SEC23B: variants seen among roughly 807,000 people sequenced by gnomAD.
SEC23B encodes protein transport protein Sec23B.
Under a neutral mutation model 104.3 loss-of-function variants are expected in SEC23B, and 77 were observed. That is an observed-to-expected ratio of 0.74 (90% CI 0.61 to 0.89). SEC23B has a LOEUF of 0.89. Among genes scored for constraint, SEC23B ranks in the 40% least tolerant of loss-of-function variants. SEC23B has a pLI of 0.00. For synonymous variants in SEC23B, 338 were observed against 332.5 expected (o/e 1.02, Z -0.18); for missense variants, 885 against 949.4 (o/e 0.93, Z 0.89).
At chr20:18,511,205 G>C (rs951163701) in intron 2 of SEC23B, 149 bp downstream of exon 2, 1 of 682,742 alleles carries the variant, frequency 1.5e-6, no homozygotes, top group Non-Finnish European at 2.6e-6. Context: ...CTTGTGGTGA[G>C]TAGTAAGTGG....
chr20:18,529,669 A>G (rs999832511), intron 9 of SEC23B, among the ~76,000 whole-genome samples: 1 of 152,210 alleles, frequency 6.6e-6, no homozygotes, highest in African/African-American at 2.4e-5. Flanking sequence ...CTCTTCCTGG[A>G]GGAACACACT....
Position 18,548,747 on chromosome 20 carries a change from T to A in SEC23B, c.1882T>A (p.Tyr628Asn). 1 of 1,614,196 alleles carries A rather than the reference T, an allele frequency of 6.2e-7. No homozygotes were observed. Among genetic ancestry groups the A allele is most frequent in the Non-Finnish European group, 8.5e-7 (1 of 1,180,038 alleles). Residue 628 changes from tyrosine (Y) to asparagine (N), a missense_variant, in exon 16 of 20, where the codon TAC becomes AAC. Transcript: ENST00000650089. ...LIMIQPILYS[Y>N]SFHGPPEPVL... Reference sequence around the variant, plus strand: ...CATGATCCAGCCCATTCTCTACTCTTACTCCTTTCATGGGCCACCAGAGGT... The same window carrying A: ...CATGATCCAGCCCATTCTCTACTCTAACTCCTTTCATGGGCCACCAGAGGT...
chr20:18,550,871 G>A (rs1466809636), intron 16 of SEC23B, among the ~76,000 whole-genome samples: 4 of 152,054 alleles, frequency 2.6e-5, no homozygotes, highest in African/African-American at 9.7e-5. Context: ...AATTGATGAG[G>A]AATTATTTGG....
chr20:18,527,459 T>C (rs1472116961), intron 8 of SEC23B, 37 bp from the exon 9 acceptor site: 1 of 1,149,452 alleles, frequency 8.7e-7, no homozygotes, highest in Non-Finnish European at 1.3e-6. Context: ...GGGAATAATG[T>C]CACTGTTTCC....
At chr20:18,537,799 T>C (rs1237614928) in intron 12 of SEC23B, among the ~76,000 whole-genome samples, 1 of 152,114 alleles carries the variant, frequency 6.6e-6, no homozygotes, top group Non-Finnish European at 1.5e-5. Flanking sequence ...ACTATATTGC[T>C]CAAAAATGTT....
intron 3 of SEC23B, 53 bp from the exon 4 acceptor site, chr20:18,515,597 A>G (rs1447548983): frequency 1.9e-6 from 2 of 1,043,506 alleles, no homozygotes; most frequent in Non-Finnish European, 3.0e-6. Flanking sequence ...ATGGAAAATA[A>G]AAAGTGTAAT....
At chr20:18,529,304 AAGAAGG>A (rs1398153750) in intron 9 of SEC23B, among the ~76,000 whole-genome samples, 3 of 152,232 alleles carry the variant, frequency 2.0e-5, no homozygotes, top group African/African-American at 7.2e-5. Flanking sequence ...ACTCAATATC[AAGAAGG>A]GCCTTTCTTA....
intron 4 of SEC23B, among the ~76,000 whole-genome samples, chr20:18,523,508 T>C (rs1405763836): frequency 1.4e-5 from 2 of 147,534 alleles, no homozygotes; most frequent in Non-Finnish European, 3.0e-5. Context: ...GTTCAAGCAA[T>C]TCTCCTGCCT....
intron 15 of SEC23B, among the ~76,000 whole-genome samples, chr20:18,546,562 G>A (rs534577846): frequency 2.0e-4 from 31 of 152,314 alleles, no homozygotes; most frequent in Non-Finnish European, 4.1e-4. Flanking sequence ...ATGAATTTCC[G>A]TCTCCATTGT....
At chr20:18,543,474 T>C (rs991652321) in intron 14 of SEC23B, among the ~76,000 whole-genome samples, 4 of 152,234 alleles carry the variant, frequency 2.6e-5, no homozygotes, top group Non-Finnish European at 5.9e-5. Flanking sequence ...ATTTTTCTTC[T>C]AAATCTGGAA....
Position 18,530,773 on chromosome 20 carries a change from A to T in SEC23B, c.1203A>T (p.Arg401=). 6.2e-7 allele frequency: 1 copy of T among 1,613,170 alleles called. No homozygotes were observed. The highest frequency in any genetic ancestry group is 8.5e-7 in the Non-Finnish European group (1 of 1,179,472). Residue 401 remains arginine, a synonymous_variant, in exon 10 of 20, where the codon CGA becomes CGT. Coordinates refer to ENST00000650089, the MANE Select transcript of SEC23B (RefSeq NM_006363.6). ...CTAAAGATTTTAATGGAGATTTCCGAATGGCATTTGGTGCTACTTTGGACG... is the reference window on the plus strand; with the variant it reads ...CTAAAGATTTTAATGGAGATTTCCGTATGGCATTTGGTGCTACTTTGGACG... ...IFTKDFNGDF[R]MAFGATLDVK...
At chr20:18,510,376 T>C (rs895487421) in intron 1 of SEC23B, among the ~76,000 whole-genome samples, 2 of 152,252 alleles carry the variant, frequency 1.3e-5, no homozygotes, top group Admixed American at 6.5e-5. Flanking sequence ...CAGTGATCAA[T>C]GATAACTGTG....
intron 4 of SEC23B, among the ~76,000 whole-genome samples, chr20:18,518,190 C>T (rs1238390189): frequency 6.6e-6 from 1 of 152,134 alleles, no homozygotes; most frequent in Admixed American, 6.6e-5. Flanking sequence ...AAGGCCAAAC[C>T]AAGGAATTAT....
chr20:18,551,954 G>A (rs1409435601), intron 17 of SEC23B, among the ~76,000 whole-genome samples: 1 of 152,092 alleles, frequency 6.6e-6, no homozygotes, highest in African/African-American at 2.4e-5. Flanking sequence ...TTTACGCTGT[G>A]TCTGTGGATC....
intron 14 of SEC23B, among the ~76,000 whole-genome samples, chr20:18,543,855 G>A (rs1326398595): frequency 6.6e-6 from 1 of 152,178 alleles, no homozygotes; most frequent in African/African-American, 2.4e-5. Flanking sequence ...ACCCTCCAGG[G>A]TGCCAGGGAA....
At position 18,526,542 on chromosome 20, in the gene SEC23B, T is replaced by C. The variant is rs2060136060; in HGVS notation, c.993+11T>C. 1 of 1,613,918 alleles carries C rather than the reference T, an allele frequency of 6.2e-7. No homozygotes were observed. Among genetic ancestry groups the C allele is most frequent in the African/African-American group, 1.3e-5 (1 of 74,916 alleles). On this transcript the variant is annotated intron_variant, in intron 8 of 19. Coordinates refer to ENST00000650089, the MANE Select transcript of SEC23B (RefSeq NM_006363.6). The stretch of plus-strand genomic sequence containing the variant: ...AAAAAGGCAACCAAGGTAGGTGCTC[T>C]TGGGTATGGGCTGTAATTCTGAAAG...
In SEC23B at chr20:18,524,672, T is replaced by G; in HGVS notation, c.603+3T>G. 1.2e-6 allele frequency: 2 copies of G among 1,608,712 alleles called. No homozygotes were observed. Among genetic ancestry groups the G allele is most frequent in the Non-Finnish European group, 1.7e-6 (2 of 1,175,556 alleles). On this transcript the variant is annotated splice_donor_region_variant and intron_variant, in intron 5 of 19. Coordinates refer to ENST00000650089, the MANE Select transcript of SEC23B (RefSeq NM_006363.6). The stretch of plus-strand genomic sequence containing the variant: ...ATTTAACTGCAAAGCAAATACAGGT[T>G]TGTACCTTACTTGTACAGGAGCAGA...
rs146587686 is a variant in SEC23B, at chr20:18,535,673, G to A, written c.1335G>A (p.Thr445=). 1.8e-4 allele frequency: 297 copies of A among 1,614,050 alleles called. No individual in the cohort carries two copies. The highest frequency in any genetic ancestry group is 3.2e-4 in the African/African-American group (24 of 75,034). Residue 445 remains threonine, a synonymous_variant, in exon 12 of 20, where the codon ACG becomes ACA. Coordinates refer to ENST00000650089, the MANE Select transcript of SEC23B (RefSeq NM_006363.6). The stretch of plus-strand genomic sequence containing the variant: ...CCCAGGAGCTTGGTGTTGGTGGCAC[G>A]AGTCAGTGGAAAATCTGTGGCCTAG... ...VSENELGVGG[T]SQWKICGLDP... is the part of the protein sequence containing the mutation.
intron 16 of SEC23B, among the ~76,000 whole-genome samples, chr20:18,550,058 TAA>T (rs1389634519): frequency 8.2e-6 from 1 of 122,436 alleles, no homozygotes; most frequent in East Asian, 3.5e-4. Flanking sequence ...TATGTATATA[TAA>T]GAACTATGTA....
Sources: allele counts gnomAD v4.1 joint callset (sites outside exome capture counted in the v4.1 genomes callset), GRCh38; gene constraint gnomAD v4.1.1; transcripts MANE v1.5; gene names NCBI Gene and HGNC (gene_info 2026-07-23, HGNC 2026-07-21).